The following ZDHHC11 variants were observed in gnomAD, a reference collection of about 807,000 sequenced individuals.
ZDHHC11 encodes zDHHC palmitoyltransferase 11, also known as palmitoyltransferase ZDHHC11.
Under a neutral mutation model 51.3 loss-of-function variants are expected in ZDHHC11, and 44 were observed. That is an observed-to-expected ratio of 0.86 (90% confidence interval 0.67 to 1.10). ZDHHC11 has a LOEUF of 1.10. ZDHHC11 is among the 50% of genes least tolerant of loss of function. The pLI, the probability that ZDHHC11 is intolerant of heterozygous loss-of-function variation, is 0.00. For missense variants in ZDHHC11, 400 were observed against 537.7 expected (o/e 0.74, Z 2.53); for synonymous variants, 163 against 222.0 (o/e 0.73, Z 2.36).
chr5:837,562 G>A (rs1744069561), intron 5 of ZDHHC11, 82 bp from the exon 6 acceptor site: 20 of 1,445,842 alleles, frequency 1.4e-5, no homozygotes, highest in Non-Finnish European at 1.8e-5. Flanking sequence ...CAGCAGAGTG[G>A]CCAGTGCCAC....
At chr5:823,993 A>T in intron 8 of ZDHHC11, 1 of 449,976 alleles carries the variant, frequency 2.2e-6, no homozygotes, top group Non-Finnish European at 4.5e-6. Context: ...CAAGGCTTGG[A>T]CACCAGCGTC....
At chr5:816,578 C>G (rs1394996929) in intron 10 of ZDHHC11, 13 of 615,114 alleles carry the variant, frequency 2.1e-5, no homozygotes, top group Non-Finnish European at 3.5e-5. Context: ...GAATTTTTGT[C>G]TAATTGACGG....
intron 11 of ZDHHC11, among the ~76,000 whole-genome samples, chr5:809,206 T>C (rs1393817310): frequency 7.0e-6 from 1 of 143,236 alleles, no homozygotes; most frequent in African/African-American, 2.6e-5. Flanking sequence ...TGCCCATCAC[T>C]CTGGTCTGCC....
intron 12 of ZDHHC11, among the ~76,000 whole-genome samples, chr5:799,770 AT>A (rs1219781939): frequency 1.3e-5 from 2 of 151,594 alleles, no homozygotes; most frequent in Non-Finnish European, 2.9e-5. Flanking sequence ...CACTGAGACA[AT>A]TTTTTACTGC....
upstream of ZDHHC11, among the ~76,000 whole-genome samples, chr5:854,025 G>C (rs923588565): frequency 2.0e-5 from 3 of 150,928 alleles, no homozygotes; most frequent in Admixed American, 6.6e-5. Flanking sequence ...AGCAAGCCAG[G>C]GGGACAGACC....
At chr5:848,820 ACAGCCCTGCACACC>A (rs1017691581) in intron 1 of ZDHHC11, among the ~76,000 whole-genome samples, 160 bp from the exon 2 acceptor site, 2 of 150,122 alleles carry the variant, frequency 1.3e-5, no homozygotes, top group Admixed American at 6.6e-5. Flanking sequence ...CCCTGCTCAC[ACAGCCCTGCACACC>A]CAGCCCTGCA....
At chr5:798,170 C>G (rs1388979740) in intron 12 of ZDHHC11, among the ~76,000 whole-genome samples, 2 of 150,764 alleles carry the variant, frequency 1.3e-5, no homozygotes, top group African/African-American at 4.9e-5. Flanking sequence ...TACTGATTGG[C>G]TTGCCATTTT....
chr5:856,966 TACCACACACAGCACACAA>T (rs1748350396), intron 1 of ZDHHC11, among the ~76,000 whole-genome samples: 1 of 137,848 alleles, frequency 7.3e-6, no homozygotes, highest in South Asian at 2.3e-4. Flanking sequence ...ACACACCGCA[TACCACACACAGCACACAA>T]ACCACACACA....
At chr5:834,364 T>C (rs1471685562) in intron 6 of ZDHHC11, among the ~76,000 whole-genome samples, 1 of 152,294 alleles carries the variant, frequency 6.6e-6, no homozygotes. Context: ...GTATTTTTAT[T>C]TATTTTTGTA....
chr5:815,060 G>A (rs1174870957), intron 10 of ZDHHC11, among the ~76,000 whole-genome samples: 5 of 151,272 alleles, frequency 3.3e-5, no homozygotes, highest in South Asian at 2.1e-4. Context: ...GTGGAGACAG[G>A]GTCTTGAAAG....
At chr5:846,148 C>T (rs1387380024) in intron 3 of ZDHHC11, among the ~76,000 whole-genome samples, 2 of 150,704 alleles carry the variant, frequency 1.3e-5, no homozygotes, top group Non-Finnish European at 3.0e-5. Context: ...CTCACGCAGC[C>T]TCTGGACTCG....
upstream of ZDHHC11, among the ~76,000 whole-genome samples, chr5:859,863 A>G (rs114515497): frequency 8.0e-3 from 1,222 of 152,262 alleles, 18 homozygotes; most frequent in African/African-American, 0.027. Context: ...GGGGTCCCCA[A>G]GGACTCCTAT....
At chr5:845,845 C>A (rs1746069810) in intron 3 of ZDHHC11, among the ~76,000 whole-genome samples, 2 of 149,574 alleles carry the variant, frequency 1.3e-5, no homozygotes, top group South Asian at 4.1e-4. Flanking sequence ...TCCTGATGCC[C>A]CTTTCCCACA....
Position 850,771 on chromosome 5 carries a change from T to A in ZDHHC11, c.-169A>T. ...CGTTCCCCGCAGAGGGAGCAGGGGCTGGGCTGGAGTCGGTGCAGGGCCCCG... is the reference window on the plus strand; with the variant it reads ...CGTTCCCCGCAGAGGGAGCAGGGGCAGGGCTGGAGTCGGTGCAGGGCCCCG... On this transcript the variant is annotated 5_prime_UTR_variant, in exon 1 of 13. Coordinates refer to ENST00000283441, the MANE Select transcript of ZDHHC11 (RefSeq NM_024786.3). 1.2e-6 allele frequency: 1 copy of A among 821,008 alleles called. No individual in the cohort carries two copies. Among genetic ancestry groups the A allele is most frequent in the Non-Finnish European group, 1.9e-6 (1 of 534,998 alleles). 50.9% of individuals were successfully genotyped at this position (821,008 alleles called of 1,614,324 possible). A position where few individuals can be genotyped will look rare whatever the true frequency, so the allele number is the denominator to read the frequency against.
At chr5:807,915 T>G (rs1007279904) in intron 11 of ZDHHC11, among the ~76,000 whole-genome samples, 6 of 150,362 alleles carry the variant, frequency 4.0e-5, no homozygotes, top group Admixed American at 2.7e-4. Context: ...GGGATGCCTC[T>G]GGGGGATATC....
At chr5:836,789 A>G (rs423691) in intron 6 of ZDHHC11, among the ~76,000 whole-genome samples, 2,327 of 149,826 alleles carry the variant, frequency 0.016, 123 homozygotes, top group African/African-American at 0.053. Flanking sequence ...GGCCAGGTAC[A>G]GTGACTCATG....
intron 7 of ZDHHC11, among the ~76,000 whole-genome samples, chr5:828,432 C>T (rs1015421734): frequency 4.7e-4 from 71 of 150,700 alleles, no homozygotes; most frequent in Non-Finnish European, 8.8e-4. Flanking sequence ...CCCTCCTGGA[C>T]GGGGCGGCCG....
chr5:856,722 G>A (rs1478990976), intron 1 of ZDHHC11, among the ~76,000 whole-genome samples: 5 of 145,226 alleles, frequency 3.4e-5, no homozygotes, highest in Non-Finnish European at 7.5e-5. Flanking sequence ...TACCACACAG[G>A]GACCACACAA....
At chr5:824,236 A>G in intron 8 of ZDHHC11, 1 of 342,966 alleles carries the variant, frequency 2.9e-6, no homozygotes, top group Admixed American at 3.7e-5. Context: ...AGGTCAAGGA[A>G]TCACTTGAGA....
Sources: allele counts gnomAD v4.1 joint callset (sites outside exome capture counted in the v4.1 genomes callset), GRCh38; gene constraint gnomAD v4.1.1; transcripts MANE v1.5; gene names NCBI Gene and HGNC (gene_info 2026-07-23, HGNC 2026-07-21).